GPRC6A: variants seen among roughly 807,000 people sequenced by gnomAD.
GPRC6A encodes G protein-coupled receptor class C group 6 member A, also known as G protein-coupled receptor family C group 6 member A.
GPRC6A carries 54 observed loss-of-function variants against 47.0 expected under a neutral mutation model. That is an observed-to-expected ratio of 1.15 (90% CI 0.92 to 1.44). GPRC6A has a LOEUF of 1.44. Among genes scored for constraint, GPRC6A ranks in the 40% most tolerant of loss-of-function variants. The pLI, the probability that GPRC6A is intolerant of heterozygous loss-of-function variation, is 0.00. For missense variants in GPRC6A, 1,112 were observed against 1,105.5 expected, an observed-to-expected ratio of 1.01 and a Z score of -0.08; for synonymous variants, 347 against 377.1, an observed-to-expected ratio of 0.92 and a Z score of 0.93.
At chr6:116,823,765 A>G (rs1007527738) in intron 1 of GPRC6A, among the ~76,000 whole-genome samples, 2 of 152,134 alleles carry the variant, frequency 1.3e-5, no homozygotes, top group Non-Finnish European at 2.9e-5. Flanking sequence ...TGATGCTAAC[A>G]TCTGCTTAGC....
At chr6:116,796,297 C>T (rs1333657639) in intron 4 of GPRC6A, among the ~76,000 whole-genome samples, 1 of 151,086 alleles carries the variant, frequency 6.6e-6, no homozygotes, top group Non-Finnish European at 1.5e-5. Context: ...AAAAAAGAAA[C>T]ATTTTGAGTT....
chr6:116,821,751 A>G (rs1258576061), intron 1 of GPRC6A, among the ~76,000 whole-genome samples: 1 of 152,020 alleles, frequency 6.6e-6, no homozygotes, highest in Non-Finnish European at 1.5e-5. Flanking sequence ...TAAAACCATA[A>G]AAACCCTAGA....
At chr6:116,823,137 G>T (rs1037821273) in intron 1 of GPRC6A, among the ~76,000 whole-genome samples, 2 of 152,060 alleles carry the variant, frequency 1.3e-5, no homozygotes, top group South Asian at 2.1e-4. Flanking sequence ...ACATGGCTGG[G>T]CTGCAAATTT....
At chr6:116,822,873 G>T (rs1045591257) in intron 1 of GPRC6A, among the ~76,000 whole-genome samples, 1 of 100,260 alleles carries the variant, frequency 1.0e-5, no homozygotes, top group Non-Finnish European at 2.1e-5. Context: ...TAAAAAAAAA[G>T]AAACAATTAC....
chr6:116,794,428 C>G (rs1459952325), intron 5 of GPRC6A, among the ~76,000 whole-genome samples: 1 of 152,130 alleles, frequency 6.6e-6, no homozygotes, highest in Non-Finnish European at 1.5e-5. Context: ...TAGAGAGGAA[C>G]AGCAGATGGT....
chr6:116,812,568 C>G (rs530014584), intron 1 of GPRC6A, among the ~76,000 whole-genome samples: 2 of 152,210 alleles, frequency 1.3e-5, no homozygotes, highest in East Asian at 1.9e-4. Context: ...ATGACAGGAA[C>G]AAAGCCTCAT....
At position 116,806,762 on chromosome 6, in the gene GPRC6A, G is replaced by C; in HGVS notation, c.943C>G (p.Pro315Ala). 6.2e-7 allele frequency: 1 copy of C among 1,613,522 alleles called. No homozygotes were observed. The highest frequency in any genetic ancestry group is 2.2e-5 in the East Asian group (1 of 44,886). Residue 315 changes from proline to alanine, a missense_variant, in exon 3 of 6, where the codon CCT becomes GCT. By Grantham distance (27) the Pro-to-Ala change is conservative. Coordinates refer to ENST00000310357, the MANE Select transcript of GPRC6A (RefSeq NM_148963.4). ...WSTATKITTIPNVKKIGKVVG... is the reference protein window; with the variant it reads ...WSTATKITTIANVKKIGKVVG... ...ACTTTGCCAATCTTTTTAACATTAGGAATGGTGGTAATCTTGGTGGCAGTT... is the reference window on the plus strand; with the variant it reads ...ACTTTGCCAATCTTTTTAACATTAGCAATGGTGGTAATCTTGGTGGCAGTT...
Position 116,792,172 on chromosome 6 carries a change from A to C in GPRC6A, c.2751T>G (p.Thr917=), listed in dbSNP as rs1196394667. The C allele has an allele frequency of 6.2e-7, 1 of 1,613,096 alleles. No homozygotes were observed. The highest frequency in any genetic ancestry group is 8.5e-7 in the Non-Finnish European group (1 of 1,179,568). The change falls in exon 6 of 6, where the codon ACT becomes ACG. Residue 917 remains threonine (T), a synonymous_variant. Coordinates refer to ENST00000310357, the MANE Select transcript of GPRC6A (RefSeq NM_148963.4). ...TACTTGACATTCTTTTTCGAGGCAAAGTTTTAGATACACTTGTGGCATTTT... is the reference window on the plus strand; with the variant it reads ...TACTTGACATTCTTTTTCGAGGCAACGTTTTAGATACACTTGTGGCATTTT... ...CRENATSVSK[T]LPRKRMSSI is the part of the protein sequence containing the mutation.
intron 1 of GPRC6A, among the ~76,000 whole-genome samples, chr6:116,816,627 G>A (rs544494567): frequency 2.4e-4 from 37 of 152,262 alleles, no homozygotes; most frequent in African/African-American, 7.7e-4. Flanking sequence ...CTGAGGTACC[G>A]GGTTCATCTC....
rs936312813 is a variant in GPRC6A at position 116,807,210 on chromosome 6, G to C, written c.499-4C>G. ...CTGCAGTTGATTCATAACCCACCTG[G>C]AAATAGACAGAATATTTTAGTTATG... On this transcript the variant is annotated splice_polypyrimidine_tract_variant and splice_region_variant and intron_variant, in intron 2 of 5. Coordinates refer to ENST00000310357, the MANE Select transcript of GPRC6A (RefSeq NM_148963.4). 12 of 1,557,088 alleles carry C rather than the reference G, an allele frequency of 7.7e-6. No individual in the cohort carries two copies. The highest frequency in any genetic ancestry group is 9.7e-6 in the Non-Finnish European group (11 of 1,132,124).
At position 116,828,681 on chromosome 6, in the gene GPRC6A, A is replaced by T. The variant is rs1315831838; in HGVS notation, c.194+139T>A. The T allele has an allele frequency of 4.5e-6, 3 of 664,460 alleles. No homozygotes were observed. In the African/African-American group the frequency reaches 5.5e-5, roughly 12 times the overall value. The allele number at this position is 664,460 out of a possible 1,614,324, so 41.2% of individuals were successfully genotyped here. On this transcript the variant is annotated intron_variant, in intron 1 of 5. Coordinates refer to ENST00000310357, the MANE Select transcript of GPRC6A (RefSeq NM_148963.4). ...AGCTCTCTTTTAAAGAAGGATTGCA[A>T]GATTAACCATATGCAACTTAAAAAT...
intron 4 of GPRC6A, 62 bp downstream of exon 4, chr6:116,800,522 G>T (rs1426874769): frequency 9.9e-7 from 1 of 1,010,470 alleles, no homozygotes; most frequent in African/African-American, 1.6e-5. Flanking sequence ...GGGGGCCAAG[G>T]ACTTTTGCAG....
chr6:116,825,077 G>A (rs1399426903), intron 1 of GPRC6A, among the ~76,000 whole-genome samples: 1 of 151,990 alleles, frequency 6.6e-6, no homozygotes, highest in Non-Finnish European at 1.5e-5. Context: ...GGCACAGATG[G>A]AACATACTTC....
intron 1 of GPRC6A, among the ~76,000 whole-genome samples, chr6:116,817,992 C>A (rs1421350652): frequency 6.6e-6 from 1 of 152,056 alleles, no homozygotes; most frequent in African/African-American, 2.4e-5. Context: ...CCCAATCTAG[C>A]AAGGCAGGCC....
chr6:116,828,495 T>G (rs1773739926), intron 1 of GPRC6A, among the ~76,000 whole-genome samples: 1 of 152,124 alleles, frequency 6.6e-6, no homozygotes, highest in Non-Finnish European at 1.5e-5. Flanking sequence ...TAGAAATACA[T>G]GTGGGTTATG....
In GPRC6A at chr6:116,798,046, C is replaced by G. The variant is rs895964136; in HGVS notation, c.1549-2211G>C. On this transcript the variant is annotated intron_variant, in intron 4 of 5. Transcript: ENST00000310357. ...GCCTATCTATATGTTAGGCACTGTTCTAATTGTTGAAGCCACAGTGGGGAA... is the reference window on the plus strand; with the variant it reads ...GCCTATCTATATGTTAGGCACTGTTGTAATTGTTGAAGCCACAGTGGGGAA... 1.4e-3 allele frequency among the ~76,000 whole-genome samples: 210 copies of G among 152,278 alleles called. 1 individual carries two copies. Among genetic ancestry groups the G allele is most frequent in the African/African-American group, 4.6e-3 (190 of 41,562 alleles).
chr6:116,820,228 C>T (rs557596234), intron 1 of GPRC6A, among the ~76,000 whole-genome samples: 1 of 152,140 alleles, frequency 6.6e-6, no homozygotes, highest in Admixed American at 6.5e-5. Context: ...AGTTTACCAA[C>T]CAAAAAGAGT....
intron 1 of GPRC6A, among the ~76,000 whole-genome samples, chr6:116,811,168 T>C (rs1773011231): frequency 6.6e-6 from 1 of 152,134 alleles, no homozygotes; most frequent in Non-Finnish European, 1.5e-5. Context: ...CCTAGGCCAC[T>C]GAGGAAATGT....
At chr6:116,818,305 C>T (rs200214418) in intron 1 of GPRC6A, among the ~76,000 whole-genome samples, 50 of 151,390 alleles carry the variant, frequency 3.3e-4, no homozygotes, top group African/African-American at 9.4e-4. Context: ...GAGGCCGAGG[C>T]GGGCGGATCA....
Sources: gnomAD v4.1 joint callset for allele counts (sites outside exome capture counted in the v4.1 genomes callset) on GRCh38, gnomAD v4.1.1 for gene constraint, MANE v1.5 for transcripts, NCBI Gene and HGNC (gene_info 2026-07-23, HGNC 2026-07-21) for gene names.